The following MTFMT variants were observed in gnomAD, a reference collection of about 807,000 sequenced individuals.
MTFMT encodes methionyl-tRNA formyltransferase, mitochondrial.
A neutral mutation model predicts 51.8 loss-of-function variants in MTFMT; 47 were observed. That is an observed-to-expected ratio of 0.91 (90% CI 0.72 to 1.16). The LOEUF (loss-of-function observed/expected upper bound fraction) is 1.16, where lower values mean the gene tolerates loss of function less well. Among genes scored for constraint, MTFMT ranks in the 50% most tolerant of loss-of-function variants. The pLI, the probability that MTFMT is intolerant of heterozygous loss-of-function variation, is 0.00. For missense variants in MTFMT, 512 were observed against 482.3 expected, an observed-to-expected ratio of 1.06 and a Z score of -0.58; for synonymous variants, 196 against 176.7, an observed-to-expected ratio of 1.11 and a Z score of -0.87.
intron 6 of MTFMT, among the ~76,000 whole-genome samples, chr15:65,013,840 G>A (rs1342608256): frequency 6.6e-6 from 1 of 152,042 alleles, no homozygotes; most frequent in South Asian, 2.1e-4. Context: ...CAGCTACTCA[G>A]GAGGCTGAGG....
At chr15:65,029,282 G>A (rs916347929) in intron 1 of MTFMT, 123 bp downstream of exon 1, 1 of 1,320,620 alleles carries the variant, frequency 7.6e-7, no homozygotes, top group Non-Finnish European at 9.6e-7. Flanking sequence ...CCGAGATCTG[G>A]GCCCACACCG....
chr15:65,011,221 C>A (rs1028673942), intron 6 of MTFMT, among the ~76,000 whole-genome samples: 1 of 152,102 alleles, frequency 6.6e-6, no homozygotes, highest in East Asian at 1.9e-4. Flanking sequence ...ACTAGGGAGG[C>A]TGAGGCAGGA....
intron 6 of MTFMT, among the ~76,000 whole-genome samples, chr15:65,015,372 A>G (rs1001996864): frequency 6.6e-6 from 1 of 152,118 alleles, no homozygotes; most frequent in Admixed American, 6.5e-5. Flanking sequence ...GTAACACTTA[A>G]TAACAATTCA....
intron 6 of MTFMT, among the ~76,000 whole-genome samples, chr15:65,010,656 C>A (rs1244708881): frequency 3.3e-5 from 5 of 152,118 alleles, no homozygotes; most frequent in African/African-American, 1.2e-4. Context: ...AATAATGCTG[C>A]TATGAAGATT....
intron 6 of MTFMT, among the ~76,000 whole-genome samples, chr15:65,006,823 C>T (rs898371506): frequency 2.6e-5 from 4 of 151,924 alleles, no homozygotes; most frequent in African/African-American, 9.7e-5. Flanking sequence ...GTATTTATTC[C>T]CATCCCTATA....
chr15:65,026,853 C>T lies in MTFMT; in HGVS notation c.397G>A (p.Ala133Thr). 6.2e-7 allele frequency: 1 copy of T among 1,613,830 alleles called. No homozygotes were observed. The highest frequency in any genetic ancestry group is 8.5e-7 in the Non-Finnish European group (1 of 1,179,808). Reference protein sequence around the residue: ...VASFGRLLNEALILKFPYGIL... With the variant: ...VASFGRLLNETLILKFPYGIL... ...TACTAGGGAAATTTAAGAATAAGAG[C>T]CTCATTCAAAAGTCGGCCAAACGAA... The change falls in exon 2 of 9, where the codon GCT becomes ACT. Residue 133 changes from alanine to threonine, a missense_variant. Coordinates refer to ENST00000220058, the MANE Select transcript of MTFMT (RefSeq NM_139242.4).
Position 65,029,599 on chromosome 15 carries a change from C to G in MTFMT, c.15G>C (p.Val5=), listed in dbSNP as rs763865947. The G allele has an allele frequency of 7.0e-7, 1 of 1,430,462 alleles. No homozygotes were observed. Among genetic ancestry groups the G allele is most frequent in the Admixed American group, 2.8e-5 (1 of 36,184 alleles). 88.6% of individuals were successfully genotyped at this position (1,430,462 alleles called of 1,614,324 possible). A position where few individuals can be genotyped will look rare whatever the true frequency, so the allele number is the denominator to read the frequency against. ...CCAGCGGAGGACCCCAACAGCGCCG[C>G]ACCAACACCCTCATCGCCTCGGCCG... MRVL[V]RRCWGPPLAH... The change falls in exon 1 of 9, where the codon GTG becomes GTC. Residue 5 remains valine (V), a synonymous_variant. Transcript: ENST00000220058.
At chr15:65,020,309 ATG>A in intron 4 of MTFMT, 37 bp from the exon 5 acceptor site, 1 of 1,550,786 alleles carries the variant, frequency 6.4e-7, no homozygotes, top group Non-Finnish European at 8.9e-7. Flanking sequence ...TATATTCAAA[ATG>A]AAGGGAAGAA....
intron 6 of MTFMT, among the ~76,000 whole-genome samples, chr15:65,015,205 A>G (rs2086309393): frequency 6.6e-6 from 1 of 152,152 alleles, no homozygotes; most frequent in South Asian, 2.1e-4. Context: ...GACGTTAGGA[A>G]GTAGCAGAGT....
At chr15:65,010,018 A>G (rs1257472396) in intron 6 of MTFMT, among the ~76,000 whole-genome samples, 1 of 152,054 alleles carries the variant, frequency 6.6e-6, no homozygotes, top group Non-Finnish European at 1.5e-5. Flanking sequence ...AAGAATGTAC[A>G]TACCTAATCC....
chr15:65,004,952 A>C lies in MTFMT; in HGVS notation c.893-16T>G. 1 of 1,577,090 alleles carries C rather than the reference A, an allele frequency of 6.3e-7. No homozygotes were observed. Among genetic ancestry groups the C allele is most frequent in the African/African-American group, 1.3e-5 (1 of 74,192 alleles). On this transcript the variant is annotated splice_polypyrimidine_tract_variant and intron_variant, in intron 7 of 8. Transcript: ENST00000220058. The stretch of plus-strand genomic sequence containing the variant: ...AATTTTGGATCTGAAGAATGGAAAA[A>C]AGAAAAGATATACAAGAGAAAAAAG...
chr15:65,013,082 A>G (rs552019512), intron 6 of MTFMT, among the ~76,000 whole-genome samples: 8 of 152,216 alleles, frequency 5.3e-5, no homozygotes, highest in Admixed American at 4.6e-4. Flanking sequence ...ATGCTAGATC[A>G]TATCATCCAC....
intron 1 of MTFMT, among the ~76,000 whole-genome samples, chr15:65,028,780 T>A (rs1285340272): frequency 6.6e-6 from 1 of 152,238 alleles, no homozygotes. Context: ...GGATTTCAAA[T>A]AATTTTCTTT....
chr15:65,016,641 C>T, intron 5 of MTFMT, 114 bp from the exon 6 acceptor site: 2 of 536,070 alleles, frequency 3.7e-6, no homozygotes, highest in South Asian at 8.2e-5. Context: ...CTCAACTTTT[C>T]TTTATGTTCA....
chr15:65,025,123 A>G (rs1424757503), intron 2 of MTFMT, among the ~76,000 whole-genome samples: 1 of 151,702 alleles, frequency 6.6e-6, no homozygotes, highest in East Asian at 1.9e-4. Flanking sequence ...GGCAGGGTAC[A>G]GTGGCTCATG....
chr15:65,011,120 G>A (rs1192838436), intron 6 of MTFMT, among the ~76,000 whole-genome samples: 2 of 152,078 alleles, frequency 1.3e-5, no homozygotes, highest in Non-Finnish European at 1.5e-5. Flanking sequence ...ATAGGAGTTC[G>A]AGACCAGCCA....
At chr15:65,027,382 G>A (rs958311739) in intron 1 of MTFMT, among the ~76,000 whole-genome samples, 3 of 151,896 alleles carry the variant, frequency 2.0e-5, no homozygotes, top group Non-Finnish European at 4.4e-5. Flanking sequence ...GTTTTTTAGT[G>A]GAGGCAGGGT....
chr15:65,023,721 G>C lies in MTFMT; in HGVS notation c.493C>G (p.His165Asp). ...GTTACTCCAGTAACTGTGTCTCCGT[G>C]AAGCACTGTATGGATTACAGGGGCT... ...GPAPVIHTVL[H>D]GDTVTGVTIM... is the part of the protein sequence containing the mutation. Residue 165 changes from histidine (H) to aspartate (D), a missense_variant, in exon 3 of 9, where the codon CAC becomes GAC. Transcript: ENST00000220058. 1 of 1,613,762 alleles carries C rather than the reference G, an allele frequency of 6.2e-7. No individual in the cohort carries two copies. Among genetic ancestry groups the C allele is most frequent in the Non-Finnish European group, 8.5e-7 (1 of 1,179,724 alleles).
intron 1 of MTFMT, among the ~76,000 whole-genome samples, chr15:65,027,850 T>G (rs2086439774): frequency 6.6e-6 from 1 of 152,204 alleles, no homozygotes; most frequent in African/African-American, 2.4e-5. Flanking sequence ...TGTATATCCT[T>G]TGAATCCATG....
Sources: gnomAD v4.1 joint callset for allele counts (sites outside exome capture counted in the v4.1 genomes callset) on GRCh38, gnomAD v4.1.1 for gene constraint, MANE v1.5 for transcripts, NCBI Gene and HGNC (gene_info 2026-07-23, HGNC 2026-07-21) for gene names.